The following RBBP6 variants were observed in gnomAD, a reference collection of about 807,000 sequenced individuals.
RBBP6 encodes the protein RB binding protein 6, ubiquitin ligase, also known as E3 ubiquitin-protein ligase RBBP6.
Under a neutral mutation model 167.7 loss-of-function variants are expected in RBBP6, and 25 were observed. The ratio of observed to expected loss-of-function variants is 0.15; its 90% CI spans 0.11 to 0.21. The LOEUF is 0.21. RBBP6 is among the 10% of genes least tolerant of loss of function. The probability of loss-of-function intolerance (pLI) is 1.00; values close to 1 mark genes in which losing one functional copy is unlikely to be tolerated. For missense variants in RBBP6, 1,868 were observed against 2,134.2 expected (o/e 0.88, Z 2.46); for synonymous variants, 789 against 735.8 (o/e 1.07, Z -1.17).
At chr16:24,545,382 T>C (rs959219328) in intron 1 of RBBP6, among the ~76,000 whole-genome samples, 10 of 152,182 alleles carry the variant, frequency 6.6e-5, no homozygotes, top group African/African-American at 2.2e-4. Context: ...AGTAGTCTTT[T>C]TTTCTTTAAC....
chr16:24,542,607 C>T (rs558054755), intron 1 of RBBP6, among the ~76,000 whole-genome samples: 7 of 152,198 alleles, frequency 4.6e-5, no homozygotes, highest in South Asian at 2.1e-4. Context: ...TACAGGCATG[C>T]GCCACTACAC....
In RBBP6 at chr16:24,570,235, G is replaced by A. The variant is rs116616570; in HGVS notation, c.3545G>A (p.Arg1182His). The A allele has an allele frequency of 5.2e-4, 831 of 1,612,990 alleles. 3 individuals carry two copies. The African/African-American group carries it at 0.01, about 19-fold the overall frequency. ...GAAATAGTGAAACCATCACCAAAGC[G>A]CAAAATGGAACCTGATACTGAAAAA... ...VTEIVKPSPKRKMEPDTEKMD... is the reference protein window; with the variant it reads ...VTEIVKPSPKHKMEPDTEKMD... The change falls in exon 17 of 18, where the codon CGC (arginine) becomes CAC (histidine). Residue 1182 changes from arginine to histidine, a missense_variant. Physicochemically the swap from Arg to His is conservative, Grantham distance 29. Transcript: ENST00000319715.
rs754227646 is a variant in RBBP6, at chr16:24,567,250, C to T, written c.1697C>T (p.Pro566Leu). The change falls in exon 15 of 18, where the codon CCG becomes CTG. Residue 566 changes from proline to leucine, a missense_variant. Transcript: ENST00000319715. Reference protein sequence around the residue: ...FVPVPPPPLYPPPPHTLPLPP... With the variant: ...FVPVPPPPLYLPPPHTLPLPP... Reference sequence around the variant, plus strand: ...CCTGTTCCACCACCTCCTTTGTATCCGCCTCCTCCCCATACACTTCCTCTC... The same window carrying T: ...CCTGTTCCACCACCTCCTTTGTATCTGCCTCCTCCCCATACACTTCCTCTC... 1.1e-5 allele frequency: 17 copies of T among 1,613,976 alleles called. No individual in the cohort carries two copies. Among genetic ancestry groups the T allele is most frequent in the South Asian group, 4.4e-5 (4 of 91,086 alleles).
intron 3 of RBBP6, among the ~76,000 whole-genome samples, chr16:24,551,673 G>A (rs1345930325): frequency 6.6e-6 from 1 of 151,640 alleles, no homozygotes; most frequent in African/African-American, 2.4e-5. Flanking sequence ...TTAGGAGTGG[G>A]AAGATTTTTT....
At chr16:24,552,683 CTT>C (rs1039730709) in intron 3 of RBBP6, among the ~76,000 whole-genome samples, 1 of 151,822 alleles carries the variant, frequency 6.6e-6, no homozygotes, top group African/African-American at 2.4e-5. Flanking sequence ...CTCCATACAT[CTT>C]TTACACAAAG....
intron 14 of RBBP6, among the ~76,000 whole-genome samples, chr16:24,566,600 G>T (rs940329658): frequency 6.6e-5 from 10 of 152,094 alleles, no homozygotes; most frequent in African/African-American, 2.2e-4. Flanking sequence ...AATTAGCTGG[G>T]CATGGTGGCA....
intron 1 of RBBP6, among the ~76,000 whole-genome samples, chr16:24,542,053 G>A (rs1196952464): frequency 2.6e-5 from 4 of 152,286 alleles, no homozygotes; most frequent in African/African-American, 9.6e-5. Flanking sequence ...GAATTTATTT[G>A]CTCAAATGAT....
In RBBP6 at chr16:24,561,608, A is replaced by G. The variant is rs1458866576; in HGVS notation, c.848-4A>G. On this transcript the variant is annotated splice_region_variant and splice_polypyrimidine_tract_variant and intron_variant, in intron 8 of 17. Transcript: ENST00000319715. Reference sequence around the variant, plus strand: ...TTTATTAATATTTGAAATCTTATACATAGGTATAAGAACAGCACTCCTGGA... The same window carrying G: ...TTTATTAATATTTGAAATCTTATACGTAGGTATAAGAACAGCACTCCTGGA... The G allele has an allele frequency of 1.3e-6, 2 of 1,599,052 alleles. No individual in the cohort carries two copies. The highest frequency in any genetic ancestry group is 1.1e-5 in the South Asian group (1 of 90,082).
chr16:24,549,615 C>T (rs1419287519), intron 3 of RBBP6, among the ~76,000 whole-genome samples: 3 of 151,942 alleles, frequency 2.0e-5, no homozygotes, highest in Non-Finnish European at 2.9e-5. Context: ...TTTTGAGCTC[C>T]TTCTTTTGTT....
In RBBP6 at chr16:24,563,432, G is replaced by A; in HGVS notation, c.1396G>A (p.Val466Met). ...TALMEEKGYQ[V>M]PVLGTPSLLG... ...GTGGTTGTTTCTAAAGGGTTACCAG[G>A]TGCCTGTTCTTGGAACCCCATCTTT... Residue 466 changes from valine to methionine, a missense_variant, in exon 12 of 18, where the codon GTG becomes ATG. Coordinates refer to ENST00000319715, the MANE Select transcript of RBBP6 (RefSeq NM_006910.5). 6.2e-7 allele frequency: 1 copy of A among 1,607,872 alleles called. No homozygotes were observed. Among genetic ancestry groups the A allele is most frequent in the Non-Finnish European group, 8.5e-7 (1 of 1,178,564 alleles).
At chr16:24,544,446 T>A (rs1898585501) in intron 1 of RBBP6, among the ~76,000 whole-genome samples, 3 of 152,206 alleles carry the variant, frequency 2.0e-5, no homozygotes, top group Admixed American at 1.3e-4. Flanking sequence ...AACAATTTCA[T>A]TTCTAACAAT....
At chr16:24,543,418 G>A (rs1030564552) in intron 1 of RBBP6, among the ~76,000 whole-genome samples, 1 of 151,684 alleles carries the variant, frequency 6.6e-6, no homozygotes, top group Admixed American at 6.6e-5. Flanking sequence ...CAAGTAGCTG[G>A]ACTACAGCCA....
intron 3 of RBBP6, among the ~76,000 whole-genome samples, chr16:24,551,714 T>C (rs936021503): frequency 4.6e-5 from 7 of 151,748 alleles, no homozygotes; most frequent in African/African-American, 1.7e-4. Flanking sequence ...GTTCCAGTGG[T>C]AAGAAAGTTA....
At position 24,570,420 on chromosome 16, in the gene RBBP6, CAAG is replaced by C. The variant is rs1226018125; in HGVS notation, c.3733_3735del (p.Glu1245del). On this transcript the variant is annotated inframe_deletion, in exon 17 of 18. Coordinates refer to ENST00000319715, the MANE Select transcript of RBBP6 (RefSeq NM_006910.5). ...GGAGTCAACATCTAGCAAAGTTAAACAAGAAAAAGTCAAAGGAAAGGTCAGACG... is the reference window on the plus strand; with the variant it reads ...GGAGTCAACATCTAGCAAAGTTAAACAAAAAGTCAAAGGAAAGGTCAGACG... The C allele has an allele frequency of 2.8e-5, 45 of 1,609,386 alleles. No individual in the cohort carries two copies. Among genetic ancestry groups the C allele is most frequent in the Non-Finnish European group, 3.6e-5 (42 of 1,179,032 alleles).
At chr16:24,563,330 T>C in intron 11 of RBBP6, 35 bp downstream of exon 11, 1 of 1,584,878 alleles carries the variant, frequency 6.3e-7, no homozygotes, top group Non-Finnish European at 8.6e-7. Flanking sequence ...TGGGATTTTT[T>C]TTACAGCAGG....
At chr16:24,548,872 A>G (rs1348346325) in intron 2 of RBBP6, 73 bp from the exon 3 acceptor site, 3 of 1,221,812 alleles carry the variant, frequency 2.5e-6, no homozygotes, top group Non-Finnish European at 3.5e-6. Context: ...ATTGAAGATA[A>G]TGTGTTAAAA....
chr16:24,545,535 A>G (rs1361515945), intron 1 of RBBP6, among the ~76,000 whole-genome samples: 1 of 151,824 alleles, frequency 6.6e-6, no homozygotes, highest in African/African-American at 2.4e-5. Context: ...GTTTCGTATC[A>G]TTTTTCTACA....
chr16:24,547,819 T>A, intron 2 of RBBP6, among the ~76,000 whole-genome samples: 1 of 152,218 alleles, frequency 6.6e-6, no homozygotes, highest in East Asian at 1.9e-4. Flanking sequence ...TTACTTTAAT[T>A]TACCAAGTGC....
At position 24,571,274 on chromosome 16, in the gene RBBP6, C is replaced by A. The variant is rs1899323713; in HGVS notation, c.4208C>A (p.Thr1403Asn). The change falls in exon 18 of 18, where the codon ACC (threonine) becomes AAC (asparagine). Residue 1403 changes from threonine to asparagine, a missense_variant. Physicochemically the swap from Thr to Asn is moderately conservative, Grantham distance 65 (BLOSUM62 0). Transcript: ENST00000319715. ...TCTGCATCTAGTGAAAAAGGGAAAA[C>A]CAAAGATCGAGATTATTCAGTGTTG... ...KNSASSEKGK[T>N]KDRDYSVLEK... 1 of 1,612,476 alleles carries A rather than the reference C, an allele frequency of 6.2e-7. No homozygotes were observed. The highest frequency in any genetic ancestry group is 1.1e-5 in the South Asian group (1 of 90,710).
Sources: gnomAD v4.1 joint callset for allele counts (sites outside exome capture counted in the v4.1 genomes callset) on GRCh38, gnomAD v4.1.1 for gene constraint, MANE v1.5 for transcripts, NCBI Gene and HGNC (gene_info 2026-07-23, HGNC 2026-07-21) for gene names.